NLGN1: variants seen among roughly 807,000 people sequenced by gnomAD.
NLGN1 encodes neuroligin-1.
NLGN1 carries 12 observed loss-of-function variants against 65.5 expected under a neutral mutation model. The ratio of observed to expected loss-of-function variants is 0.18; its 90% CI spans 0.12 to 0.30. NLGN1 has a LOEUF of 0.30. NLGN1 is among the 10% of genes least tolerant of loss of function. The probability of loss-of-function intolerance (pLI) is 1.00; values close to 1 mark genes in which losing one functional copy is unlikely to be tolerated. For missense variants in NLGN1, 750 were observed against 1,007.1 expected (o/e 0.74, Z 3.46); for synonymous variants, 350 against 359.5 (o/e 0.97, Z 0.30).
chr3:173,958,031 C>G (rs980575288), intron 4 of NLGN1, among the ~76,000 whole-genome samples: 1 of 152,204 alleles, frequency 6.6e-6, no homozygotes, highest in Admixed American at 6.5e-5. Context: ...CTGCAAGCAG[C>G]TTCCACAGTT....
chr3:174,286,785 G>A (rs1174902723), downstream of NLGN1: 1 of 151,582 alleles, frequency 6.6e-6, no homozygotes, highest in Middle Eastern at 3.4e-3. Context: ...TAGAAACAAT[G>A]ACATTTTATG....
At chr3:173,452,153 C>A (rs963409803) in intron 2 of NLGN1, among the ~76,000 whole-genome samples, 1 of 151,996 alleles carries the variant, frequency 6.6e-6, no homozygotes, top group African/African-American at 2.4e-5. Context: ...GCGTCACTCG[C>A]GCTGGGAGCT....
At chr3:174,185,580 C>T (rs1481898423) in intron 4 of NLGN1, among the ~76,000 whole-genome samples, 1 of 152,016 alleles carries the variant, frequency 6.6e-6, no homozygotes, top group Non-Finnish European at 1.5e-5. Context: ...TATAGTCAAT[C>T]ATAGTATGTA....
At chr3:174,170,746 TGAA>T (rs982454850) in intron 4 of NLGN1, among the ~76,000 whole-genome samples, 10 of 152,138 alleles carry the variant, frequency 6.6e-5, no homozygotes, top group African/African-American at 1.4e-4. Flanking sequence ...CATAAAATAA[TGAA>T]GAGATTTTTA....
chr3:174,045,439 G>C (rs1224135658), intron 4 of NLGN1, among the ~76,000 whole-genome samples: 3 of 152,050 alleles, frequency 2.0e-5, no homozygotes, highest in Non-Finnish European at 4.4e-5. Flanking sequence ...AGCATGGAAG[G>C]ACTACCCTCA....
At chr3:173,532,672 T>G (rs1736780165) in intron 2 of NLGN1, among the ~76,000 whole-genome samples, 1 of 152,232 alleles carries the variant, frequency 6.6e-6, no homozygotes, top group African/African-American at 2.4e-5. Flanking sequence ...TGGTTACATT[T>G]GTTTCTTTTT....
At chr3:173,550,280 ATAT>A (rs577104860) in intron 2 of NLGN1, among the ~76,000 whole-genome samples, 64 of 152,208 alleles carry the variant, frequency 4.2e-4, no homozygotes, top group Middle Eastern at 3.4e-3. Flanking sequence ...ATCAGCTATA[ATAT>A]TATCCTCTTC....
At chr3:173,573,169 C>G (rs1414175921) in intron 2 of NLGN1, among the ~76,000 whole-genome samples, 5 of 151,276 alleles carry the variant, frequency 3.3e-5, no homozygotes, top group Non-Finnish European at 7.4e-5. Flanking sequence ...TGGATTTAAA[C>G]TTGGATGTAA....
chr3:174,029,339 A>T (rs1257302835), intron 4 of NLGN1, among the ~76,000 whole-genome samples: 2 of 152,282 alleles, frequency 1.3e-5, no homozygotes, highest in East Asian at 1.9e-4. Context: ...GTCAAAAGAG[A>T]TCATTTTGGA....
chr3:174,146,081 C>A (rs1047217642), intron 4 of NLGN1, among the ~76,000 whole-genome samples: 2 of 151,256 alleles, frequency 1.3e-5, no homozygotes, highest in African/African-American at 4.8e-5. Flanking sequence ...ACCTATTAAT[C>A]TATTCTACTC....
chr3:174,264,606 A>C (rs1209824229), intron 4 of NLGN1, among the ~76,000 whole-genome samples: 2 of 149,342 alleles, frequency 1.3e-5, no homozygotes, highest in Non-Finnish European at 3.0e-5. Flanking sequence ...CAAAGTTTTC[A>C]ACTTCTTTGC....
intron 4 of NLGN1, among the ~76,000 whole-genome samples, chr3:173,842,587 T>TAA (rs1560477283): frequency 1.3e-5 from 2 of 151,982 alleles, no homozygotes; most frequent in Non-Finnish European, 2.9e-5. Flanking sequence ...ACAGGCTTCA[T>TAA]GCAAGTCTGA....
intron 3 of NLGN1, among the ~76,000 whole-genome samples, chr3:173,739,079 C>A (rs1774217083): frequency 6.6e-6 from 1 of 151,896 alleles, no homozygotes; most frequent in South Asian, 2.1e-4. Context: ...AAGAGAGGGG[C>A]ATTGGTGAGA....
chr3:173,678,487 T>G (rs1763480831), intron 3 of NLGN1, among the ~76,000 whole-genome samples: 1 of 152,100 alleles, frequency 6.6e-6, no homozygotes, highest in South Asian at 2.1e-4. Flanking sequence ...ATCTATGTAT[T>G]GAAGGAATCG....
chr3:173,431,690 A>C (rs567947491), intron 1 of NLGN1, among the ~76,000 whole-genome samples: 2 of 152,160 alleles, frequency 1.3e-5, no homozygotes, highest in African/African-American at 4.8e-5. Context: ...AGAGTGGTAC[A>C]TTGTTATGAA....
At chr3:173,563,940 T>G (rs534468029) in intron 2 of NLGN1, among the ~76,000 whole-genome samples, 2 of 152,372 alleles carry the variant, frequency 1.3e-5, no homozygotes, top group South Asian at 4.1e-4. Flanking sequence ...TCCACTCTTC[T>G]GCTCAGATTC....
intron 4 of NLGN1, among the ~76,000 whole-genome samples, chr3:173,896,556 C>T (rs754638918): frequency 3.3e-5 from 5 of 152,154 alleles, no homozygotes; most frequent in Non-Finnish European, 5.9e-5. Flanking sequence ...TGTTTATGAA[C>T]TTATTTGACA....
chr3:173,441,617 G>C (rs1434434470), intron 2 of NLGN1, among the ~76,000 whole-genome samples: 1 of 152,138 alleles, frequency 6.6e-6, no homozygotes, highest in Non-Finnish European at 1.5e-5. Flanking sequence ...AGTTAAGTCT[G>C]CCATCTTTGT....
chr3:173,714,360 A>C (rs1259894614), intron 3 of NLGN1, among the ~76,000 whole-genome samples: 2 of 152,120 alleles, frequency 1.3e-5, no homozygotes, highest in Non-Finnish European at 2.9e-5. Flanking sequence ...AATGCAGATA[A>C]AGGGCTTAGA....
Sources: gnomAD v4.1 joint callset for allele counts (sites outside exome capture counted in the v4.1 genomes callset) on GRCh38, gnomAD v4.1.1 for gene constraint, MANE v1.5 for transcripts, NCBI Gene and HGNC (gene_info 2026-07-23, HGNC 2026-07-21) for gene names.